RSRC2: variants seen among roughly 807,000 people sequenced by gnomAD.
RSRC2 encodes the protein arginine/serine-rich coiled-coil protein 2.
In RSRC2, 5 loss-of-function variants were observed where a neutral mutation model predicts 61.3. The observed-to-expected ratio is 0.08, with a 90% confidence interval of 0.04 to 0.17. The LOEUF (loss-of-function observed/expected upper bound fraction) is 0.17, where lower values mean the gene tolerates loss of function less well. RSRC2 is among the 10% of genes least tolerant of loss of function. RSRC2 has a pLI of 1.00. For synonymous variants in RSRC2, 202 were observed against 166.5 expected, an observed-to-expected ratio of 1.21 and a Z score of -1.64; for missense variants, 381 against 518.8, an observed-to-expected ratio of 0.73 and a Z score of 2.58.
chr12:122,520,768 A>G, intron 3 of RSRC2: 1 of 349,120 alleles, frequency 2.9e-6, no homozygotes, highest in South Asian at 2.2e-5. Flanking sequence ...TCTGGCTACT[A>G]CTTCTACACT....
chr12:122,511,623 G>A (rs764206090), intron 6 of RSRC2, among the ~76,000 whole-genome samples: 1 of 152,124 alleles, frequency 6.6e-6, no homozygotes, highest in Non-Finnish European at 1.5e-5. Flanking sequence ...ACAGACCTTA[G>A]TAAAGTCTTC....
intron 1 of RSRC2, among the ~76,000 whole-genome samples, chr12:122,525,977 A>T (rs1216302872): frequency 1.9e-5 from 1 of 51,680 alleles, no homozygotes; most frequent in Non-Finnish European, 3.4e-5. Context: ...GTCCGCCACT[A>T]CGCCCGGCTA....
rs900675873 is a variant in RSRC2, at chr12:122,504,110, G to A, written c.*1417C>T. On this transcript the variant is annotated 3_prime_UTR_variant, in exon 10 of 10. Transcript: ENST00000331738. ...TTCATGTATAAAAAAAATACCTAATGAGCAAGTTGGCAAGACTTAATTCCA... is the reference window on the plus strand; with the variant it reads ...TTCATGTATAAAAAAAATACCTAATAAGCAAGTTGGCAAGACTTAATTCCA... 3.9e-5 allele frequency: 6 copies of A among 152,006 alleles called. No homozygotes were observed. The highest frequency in any genetic ancestry group is 5.9e-5 in the Non-Finnish European group (4 of 68,004). The allele number at this position is 152,006 out of a possible 1,614,324, so 9.4% of individuals were successfully genotyped here. A position where few individuals can be genotyped will look rare whatever the true frequency, so the allele number is the denominator to read the frequency against.
intron 8 of RSRC2, 79 bp downstream of exon 8, chr12:122,508,139 A>C: frequency 7.6e-7 from 1 of 1,324,060 alleles, no homozygotes; most frequent in Non-Finnish European, 1.1e-6. Context: ...CGAAAGTAAT[A>C]TTTTTCAACC....
Position 122,519,149 on chromosome 12 carries a change from TAAAA to T in RSRC2, c.208-124_208-121del, listed in dbSNP as rs751695960. ...AGTAACCTTAGGAGTGTGTGGCAAA[TAAAA>T]AAAAGATCTAGTTTCACATCACCCA... On this transcript the variant is annotated intron_variant, in intron 3 of 9. Transcript: ENST00000331738. 2.9e-4 allele frequency: 209 copies of T among 725,906 alleles called. 1 individual carries two copies. The highest frequency in any genetic ancestry group is 4.4e-4 in the Non-Finnish European group (195 of 444,588). The allele number at this position is 725,906 out of a possible 1,614,324, so 45.0% of individuals were successfully genotyped here.
chr12:122,522,276 T>C lies in RSRC2; in HGVS notation c.30A>G (p.Gly10=). The stretch of plus-strand genomic sequence containing the variant: ...CTGGTGATGTCTTTTCTGGGGCTAG[T>C]CCATCTCGCTCTGTATCACTAGCCT... The part of the protein sequence containing the change: MAASDTERD[G]LAPEKTSPDR... Residue 10 remains glycine, a synonymous_variant, in exon 2 of 10, where the codon GGA becomes GGG. Coordinates refer to ENST00000331738, the MANE Select transcript of RSRC2 (RefSeq NM_023012.6). The C allele has an allele frequency of 6.2e-7, 1 of 1,609,874 alleles. No individual in the cohort carries two copies.
At position 122,522,236 on chromosome 12, in the gene RSRC2, T is replaced by C. The variant is rs2137546814; in HGVS notation, c.70A>G (p.Lys24Glu). The change falls in exon 2 of 10, where the codon AAA becomes GAA. Residue 24 changes from lysine (K) to glutamate (E), a missense_variant. Coordinates refer to ENST00000331738, the MANE Select transcript of RSRC2 (RefSeq NM_023012.6). ...GAAACAGATACTTCTGACTGCTCTT[T>C]TTTCTTATCTCTATCTGGTGATGTC... is the stretch of plus-strand genomic sequence containing the variant. ...EKTSPDRDKKKEQSEVSVSPR... is the reference protein window; with the variant it reads ...EKTSPDRDKKEEQSEVSVSPR... The C allele has an allele frequency of 6.2e-7, 1 of 1,614,074 alleles. No homozygotes were observed. Among genetic ancestry groups the C allele is most frequent in the East Asian group, 2.2e-5 (1 of 44,872 alleles).
intron 7 of RSRC2, 67 bp from the exon 8 acceptor site, chr12:122,508,514 T>C: frequency 8.2e-7 from 1 of 1,221,752 alleles, no homozygotes; most frequent in Non-Finnish European, 1.2e-6. Context: ...TGATTTACAT[T>C]AACGAACGAT....
intron 1 of RSRC2, 147 bp from the exon 2 acceptor site, chr12:122,522,446 T>C: frequency 4.0e-6 from 3 of 741,550 alleles, no homozygotes; most frequent in Non-Finnish European, 6.3e-6. Flanking sequence ...ATGTGCTTTG[T>C]ACACTAATAA....
intron 9 of RSRC2, among the ~76,000 whole-genome samples, chr12:122,506,018 T>TC (rs975526707): frequency 6.6e-6 from 1 of 151,394 alleles, no homozygotes; most frequent in African/African-American, 2.4e-5. Context: ...ACCTCAGGGA[T>TC]CCCCCCTGCC....
chr12:122,507,265 G>A (rs1458006477), intron 8 of RSRC2: 3 of 309,752 alleles, frequency 9.7e-6, no homozygotes, highest in African/African-American at 6.6e-5. Flanking sequence ...TGTAGACCCA[G>A]GAGGGTCTCA....
rs986957832 is a variant in RSRC2 at position 122,505,408 on chromosome 12, C to T, written c.*119G>A. ...GATATTTACAAAAATTTGTATTTTT[C>T]AATAAATTAAAGTCAATGCAACACC... On this transcript the variant is annotated 3_prime_UTR_variant, in exon 10 of 10. Coordinates refer to ENST00000331738, the MANE Select transcript of RSRC2 (RefSeq NM_023012.6). The T allele has an allele frequency of 8.8e-6, 8 of 906,408 alleles. No homozygotes were observed. The African/African-American group carries it at 1.3e-4, about 15-fold the overall frequency. 56.1% of individuals were successfully genotyped at this position (906,408 alleles called of 1,614,324 possible). A position where few individuals can be genotyped will look rare whatever the true frequency, so the allele number is the denominator to read the frequency against.
intron 6 of RSRC2, chr12:122,514,849 G>A (rs77000132): frequency 4.4e-6 from 3 of 685,930 alleles, no homozygotes; most frequent in East Asian, 4.7e-5. Context: ...GAAAATATTT[G>A]GGAGTCTAAA....
chr12:122,522,746 T>G (rs532085980), intron 1 of RSRC2: 1 of 152,594 alleles, frequency 6.6e-6, no homozygotes, highest in Non-Finnish European at 1.5e-5. Context: ...CGATAAAATC[T>G]TAAAACAATG....
chr12:122,524,214 A>C (rs149702913), intron 1 of RSRC2, among the ~76,000 whole-genome samples: 1 of 152,332 alleles, frequency 6.6e-6, no homozygotes, highest in East Asian at 1.9e-4. Flanking sequence ...TGTATCATTA[A>C]GGATGATTCT....
At chr12:122,505,977 C>T (rs1199763164) in intron 9 of RSRC2, among the ~76,000 whole-genome samples, 2 of 151,020 alleles carry the variant, frequency 1.3e-5, no homozygotes, top group Non-Finnish European at 2.9e-5. Flanking sequence ...CGGGGTTTCA[C>T]CACATTGGTC....
chr12:122,513,554 G>A (rs1020401759), intron 6 of RSRC2, among the ~76,000 whole-genome samples: 1 of 152,040 alleles, frequency 6.6e-6, no homozygotes, highest in Non-Finnish European at 1.5e-5. Flanking sequence ...ATAGACTTAT[G>A]GCATTCAAGT....
chr12:122,513,794 C>T, intron 6 of RSRC2: 2 of 985,432 alleles, frequency 2.0e-6, no homozygotes, highest in Non-Finnish European at 2.4e-6. Flanking sequence ...GCTGCAGTTT[C>T]TGTCAGGCTG....
At chr12:122,522,799 CTAAG>C in intron 1 of RSRC2, 1 of 152,290 alleles carries the variant, frequency 6.6e-6, no homozygotes, top group Non-Finnish European at 1.5e-5. Flanking sequence ...ATTAACTTAC[CTAAG>C]TGAGAACCTC....
Sources: gnomAD v4.1 joint callset for allele counts (sites outside exome capture counted in the v4.1 genomes callset) on GRCh38, gnomAD v4.1.1 for gene constraint, MANE v1.5 for transcripts, NCBI Gene and HGNC (gene_info 2026-07-23, HGNC 2026-07-21) for gene names.